The following KRABD3 variants were observed in gnomAD, a reference collection of about 807,000 sequenced individuals.
KRABD3 encodes the protein KRAB domain-containing protein 3.
chr7:149,715,483 T>G, the KRABD3 span: 46 of 406,446 alleles, frequency 1.1e-4, no homozygotes, highest in African/African-American at 9.7e-4. Flanking sequence ...GGCGTTTAGA[T>G]CTGAGAACTG....
the KRABD3 span, chr7:149,715,081 C>T: frequency 9.8e-6 from 12 of 1,230,702 alleles, no homozygotes; most frequent in Non-Finnish European, 1.1e-5. Context: ...GGCAGGCGGA[C>T]GCGCGGACCC....
the KRABD3 span, chr7:149,722,653 C>T: frequency 6.0e-6 from 9 of 1,488,590 alleles, no homozygotes; most frequent in South Asian, 5.0e-5. Context: ...GGTGGCAGCT[C>T]CACCGGGCAG....
chr7:149,731,632 A>G, the KRABD3 span: 1 of 1,489,086 alleles, frequency 6.7e-7, no homozygotes, highest in Non-Finnish European at 9.3e-7. Flanking sequence ...TGGCCAAACG[A>G]TCGTCTCCCT....
chr7:149,729,134 G>C, the KRABD3 span: 1 of 1,354,680 alleles, frequency 7.4e-7, no homozygotes, highest in Non-Finnish European at 9.7e-7. Context: ...CTTCTTCTGT[G>C]GCAGCACGAG....
At chr7:149,726,779 T>C in the KRABD3 span, among the ~76,000 whole-genome samples, 1 of 152,192 alleles carries the variant, frequency 6.6e-6, no homozygotes, top group African/African-American at 2.4e-5. Flanking sequence ...GAGTAGCACC[T>C]GTAGTCTGTA....
chr7:149,717,105 G>A, the KRABD3 span, among the ~76,000 whole-genome samples: 2 of 152,156 alleles, frequency 1.3e-5, no homozygotes, highest in African/African-American at 4.8e-5. Context: ...GGTCAGCAGT[G>A]GTACCAGTGC....
chr7:149,734,294 TCTC>T, the KRABD3 span: 3 of 534,928 alleles, frequency 5.6e-6, no homozygotes, highest in East Asian at 9.7e-5. Context: ...GTTGCTTCCC[TCTC>T]CTGTCTTTCC....
the KRABD3 span, chr7:149,723,662 C>A: frequency 6.7e-7 from 1 of 1,495,080 alleles, no homozygotes; most frequent in African/African-American, 1.4e-5. Flanking sequence ...TCTAACTTGT[C>A]CCCTGTTTGT....
the KRABD3 span, chr7:149,714,982 G>A: frequency 3.2e-5 from 38 of 1,188,522 alleles, no homozygotes; most frequent in Non-Finnish European, 4.0e-5. Flanking sequence ...GGCCGCCGCC[G>A]ACGAGGGTCG....
At chr7:149,719,496 T>G in the KRABD3 span, 7 of 1,520,740 alleles carry the variant, frequency 4.6e-6, no homozygotes, top group African/African-American at 8.5e-5. This position sits in a 1 kb window ranked among gnomAD's most constrained non-coding sequence, Gnocchi z 5.6. Context: ...ACAGCTAGGC[T>G]GTCCCCTCTG....
At chr7:149,718,703 C>T in the KRABD3 span, among the ~76,000 whole-genome samples, 1 of 151,844 alleles carries the variant, frequency 6.6e-6, no homozygotes. Flanking sequence ...TTAGTAGAGA[C>T]AAGGTTTCAC....
chr7:149,719,473 AC>A, the KRABD3 span: 1 of 1,481,826 alleles, frequency 6.7e-7, no homozygotes, highest in Non-Finnish European at 8.9e-7. This position sits in a 1 kb window ranked among gnomAD's most constrained non-coding sequence, Gnocchi z 5.6. Flanking sequence ...AGGTGGGGTT[AC>A]CAAGTGCAGG....
chr7:149,722,793 T>C, the KRABD3 span: 1 of 1,602,962 alleles, frequency 6.2e-7, no homozygotes, highest in Admixed American at 1.7e-5. Flanking sequence ...GAATTTCTCC[T>C]GGGAACAGCC....
At chr7:149,727,730 C>T in the KRABD3 span, among the ~76,000 whole-genome samples, 1 of 152,232 alleles carries the variant, frequency 6.6e-6, no homozygotes, top group Admixed American at 6.5e-5. Flanking sequence ...GGATATTTCA[C>T]ACTGCCTGTC....
the KRABD3 span, chr7:149,721,774 C>T: frequency 1.5e-6 from 1 of 671,402 alleles, no homozygotes; most frequent in East Asian, 2.9e-5. Context: ...CCGCCCCGAT[C>T]ACTGAGCACT....
chr7:149,719,900 T>C, the KRABD3 span: 7 of 1,341,228 alleles, frequency 5.2e-6, no homozygotes, highest in African/African-American at 9.0e-5. This position sits in a 1 kb window ranked among gnomAD's most constrained non-coding sequence, Gnocchi z 5.6. Context: ...TGAGTTTAAG[T>C]GGTCACATGA....
the KRABD3 span, among the ~76,000 whole-genome samples, chr7:149,718,594 C>G: frequency 6.8e-6 from 1 of 146,702 alleles, no homozygotes; most frequent in South Asian, 2.2e-4. Context: ...TCTCGGCTCA[C>G]TGCAACCTCT....
chr7:149,731,434 C>A, the KRABD3 span, among the ~76,000 whole-genome samples: 2 of 152,148 alleles, frequency 1.3e-5, no homozygotes, highest in African/African-American at 4.8e-5. Context: ...CCAGCTGCCT[C>A]CCCAGCCGCC....
chr7:149,716,423 G>A, the KRABD3 span, among the ~76,000 whole-genome samples: 1 of 152,206 alleles, frequency 6.6e-6, no homozygotes, highest in Admixed American at 6.5e-5. Flanking sequence ...GTGGTGTGTG[G>A]GCAGAGCCAG....
Sources: allele counts gnomAD v4.1 joint callset (sites outside exome capture counted in the v4.1 genomes callset), GRCh38; gene constraint gnomAD v4.1.1; non-coding constraint Gnocchi (gnomAD v3.1); transcripts MANE v1.5; gene names NCBI Gene and HGNC (gene_info 2026-07-23, HGNC 2026-07-21).